Variants in SRPK2 observed in about 807,000 individuals in gnomAD.
SRPK2 encodes the protein SFRS protein kinase 2.
In SRPK2, 21 loss-of-function variants were observed where a neutral mutation model predicts 90.8. That is an observed-to-expected ratio of 0.23 (90% CI 0.16 to 0.33). SRPK2 has a LOEUF of 0.33. Ranked by LOEUF, SRPK2 falls within the 10% of genes least tolerant of loss-of-function variation. The pLI is 1.00. For synonymous variants in SRPK2, 288 were observed against 311.1 expected, an observed-to-expected ratio of 0.93 and a Z score of 0.78; for missense variants, 620 against 869.0, an observed-to-expected ratio of 0.71 and a Z score of 3.60.
At chr7:105,375,473 G>A (rs540668913) in intron 2 of SRPK2, among the ~76,000 whole-genome samples, 1 of 152,292 alleles carries the variant, frequency 6.6e-6, no homozygotes, top group South Asian at 2.1e-4. Context: ...CTTGAAGCCA[G>A]GAGTTTAAGA....
In SRPK2 at chr7:105,178,024, G is replaced by A. The variant is rs543160447; in HGVS notation, c.230-8759C>T. 2.9e-3 allele frequency among the ~76,000 whole-genome samples: 378 copies of A among 132,248 alleles called. 1 individual carries two copies. Among genetic ancestry groups the A allele is most frequent in the Middle Eastern group, 4.6e-3 (1 of 218 alleles). The allele number at this position is 132,248 out of a possible 152,430, so 86.8% of individuals were successfully genotyped here. On this transcript the variant is annotated intron_variant, in intron 3 of 15. Transcript: ENST00000393651. ...AGCCTGGGCGACTGAGCGAGACTCCGTCTCAAAAAAAAAAAAAAAAAAAAA... is the reference window on the plus strand; with the variant it reads ...AGCCTGGGCGACTGAGCGAGACTCCATCTCAAAAAAAAAAAAAAAAAAAAA...
chr7:105,291,349 C>T (rs1392908910), intron 2 of SRPK2, among the ~76,000 whole-genome samples: 1 of 152,150 alleles, frequency 6.6e-6, no homozygotes, highest in Non-Finnish European at 1.5e-5. Flanking sequence ...TATTCTAAAG[C>T]CTAACTCTGT....
intron 2 of SRPK2, among the ~76,000 whole-genome samples, chr7:105,380,947 T>TAAAAAAA (rs869039181): frequency 9.6e-6 from 1 of 104,142 alleles, no homozygotes; most frequent in African/African-American, 3.6e-5. Context: ...TTTATTACTT[T>TAAAAAAA]AAAAAAAAAA....
At chr7:105,300,346 T>G (rs1810390923) in intron 2 of SRPK2, among the ~76,000 whole-genome samples, 1 of 151,642 alleles carries the variant, frequency 6.6e-6, no homozygotes, top group South Asian at 2.1e-4. Flanking sequence ...TAGTTATACA[T>G]CTGACATCAT....
At chr7:105,268,091 T>A (rs75182106) in intron 2 of SRPK2, among the ~76,000 whole-genome samples, 1 of 152,334 alleles carries the variant, frequency 6.6e-6, no homozygotes, top group East Asian at 1.9e-4. Context: ...GATAAAAATA[T>A]CTTAATTCTT....
At chr7:105,388,273 C>T (rs1479901577) in intron 2 of SRPK2, among the ~76,000 whole-genome samples, 1 of 151,754 alleles carries the variant, frequency 6.6e-6, no homozygotes, top group East Asian at 1.9e-4. Flanking sequence ...GGGCCGGAGC[C>T]CAGCGGCAGA....
In SRPK2 at chr7:105,170,910, AG is replaced by A. The variant is rs1272912970; in HGVS notation, c.230-1646del. On this transcript the variant is annotated intron_variant, in intron 3 of 15. Transcript: ENST00000393651. The stretch of plus-strand genomic sequence containing the variant: ...AAGAAAGAAAGAAAGAAAGAAAGAA[AG>A]AAAGGAGAAAGAAAAAGAAAAAGGA... Among the ~76,000 whole-genome samples, 84 of 114,862 alleles carry A rather than the reference AG, an allele frequency of 7.3e-4. 5 individuals carry two copies. The highest frequency in any genetic ancestry group is 8.3e-3 in the Middle Eastern group (2 of 240). The allele number at this position is 114,862 out of a possible 152,430, so 75.4% of individuals were successfully genotyped here.
chr7:105,383,484 G>A (rs1453721148), intron 2 of SRPK2, among the ~76,000 whole-genome samples: 1 of 151,262 alleles, frequency 6.6e-6, no homozygotes, highest in Non-Finnish European at 1.5e-5. Flanking sequence ...GCAGCGGCAT[G>A]ATCTCGGCTC....
intron 7 of SRPK2, among the ~76,000 whole-genome samples, chr7:105,152,695 G>A (rs1805880395): frequency 6.6e-6 from 1 of 152,116 alleles, no homozygotes; most frequent in Admixed American, 6.5e-5. Context: ...TCTTTCCTCT[G>A]TTGCTTTTAC....
chr7:105,358,223 CAAAAAAAAAA>C (rs976713048), intron 2 of SRPK2, among the ~76,000 whole-genome samples: 2 of 53,646 alleles, frequency 3.7e-5, no homozygotes, highest in African/African-American at 1.7e-4. Context: ...GACTCCGTCT[CAAAAAAAAAA>C]AAAAAAAAAA....
At chr7:105,252,513 T>C (rs545024931) in intron 2 of SRPK2, among the ~76,000 whole-genome samples, 1 of 152,146 alleles carries the variant, frequency 6.6e-6, no homozygotes, top group Non-Finnish European at 1.5e-5. Context: ...AAATTAAAAA[T>C]TTAATCCTTC....
chr7:105,366,146 C>A (rs2132348198), intron 2 of SRPK2, among the ~76,000 whole-genome samples: 1 of 152,156 alleles, frequency 6.6e-6, no homozygotes, highest in African/African-American at 2.4e-5. Flanking sequence ...AGCCACCGCA[C>A]CCGGCCTAAT....
At chr7:105,211,244 A>AC (rs1010968933) in intron 2 of SRPK2, among the ~76,000 whole-genome samples, 19 of 147,456 alleles carry the variant, frequency 1.3e-4, no homozygotes, top group South Asian at 1.1e-3. Flanking sequence ...AAAAGATCTG[A>AC]TTTTTTTTTT....
At chr7:105,333,781 A>G (rs1322421285) in intron 2 of SRPK2, among the ~76,000 whole-genome samples, 1 of 152,242 alleles carries the variant, frequency 6.6e-6, no homozygotes, top group Non-Finnish European at 1.5e-5. Context: ...CATTTACCAA[A>G]CATTCTAGCC....
intron 2 of SRPK2, among the ~76,000 whole-genome samples, chr7:105,367,375 G>A (rs572292966): frequency 2.6e-4 from 40 of 152,122 alleles, no homozygotes; most frequent in East Asian, 2.5e-3. Context: ...CAATCCTCCC[G>A]CCTCAGCCTC....
At chr7:105,345,150 G>A (rs1490702719) in intron 2 of SRPK2, among the ~76,000 whole-genome samples, 2 of 150,790 alleles carry the variant, frequency 1.3e-5, no homozygotes, top group African/African-American at 4.9e-5. Context: ...CAGGAGAGGA[G>A]GGGAGAGGGC....
At chr7:105,369,903 T>C (rs570644814) in intron 2 of SRPK2, among the ~76,000 whole-genome samples, 14 of 152,178 alleles carry the variant, frequency 9.2e-5, no homozygotes, top group African/African-American at 3.1e-4. Flanking sequence ...GGCGCATGCC[T>C]GTAATCCCAG....
intron 2 of SRPK2, among the ~76,000 whole-genome samples, chr7:105,204,392 G>GGTGT (rs145721545): frequency 5.3e-5 from 8 of 151,626 alleles, no homozygotes; most frequent in Admixed American, 5.3e-4. Context: ...TTCTGGAAGC[G>GGTGT]GTGTGTGTGT....
chr7:105,382,280 C>G (rs1821034414), intron 2 of SRPK2, among the ~76,000 whole-genome samples: 1 of 152,042 alleles, frequency 6.6e-6, no homozygotes, highest in African/African-American at 2.4e-5. Context: ...CAGCCAGGCA[C>G]GGTGGCTCAT....
Sources: allele counts gnomAD v4.1 joint callset (sites outside exome capture counted in the v4.1 genomes callset), GRCh38; gene constraint gnomAD v4.1.1; transcripts MANE v1.5; gene names NCBI Gene and HGNC (gene_info 2026-07-23, HGNC 2026-07-21).